The following ANKS1B variants were observed in gnomAD, a reference collection of about 807,000 sequenced individuals.
The protein encoded by ANKS1B is ankyrin repeat and sterile alpha motif domain containing 1B.
ANKS1B carries 36 observed loss-of-function variants against 148.3 expected under a neutral mutation model. That is an observed-to-expected ratio of 0.24 (90% CI 0.19 to 0.32). The LOEUF is 0.32. Ranked by LOEUF, ANKS1B falls within the 10% of genes least tolerant of loss-of-function variation. The pLI, the probability that ANKS1B is intolerant of heterozygous loss-of-function variation, is 1.00. For missense variants in ANKS1B, 1,157 were observed against 1,542.6 expected, an observed-to-expected ratio of 0.75 and a Z score of 4.19; for synonymous variants, 542 against 560.8, an observed-to-expected ratio of 0.97 and a Z score of 0.47.
chr12:98,894,852 G>A (rs957368858), intron 17 of ANKS1B: 2 of 980,670 alleles, frequency 2.0e-6, no homozygotes, highest in South Asian at 9.4e-5. Context: ...GCCGAGCGCC[G>A]GGCTCTCCCC....
At chr12:99,237,317 T>C (rs2088190064) in intron 14 of ANKS1B, among the ~76,000 whole-genome samples, 1 of 152,096 alleles carries the variant, frequency 6.6e-6, no homozygotes, top group Non-Finnish European at 1.5e-5. Flanking sequence ...TATATACATA[T>C]ATATGTATAT....
At chr12:99,895,737 G>A (rs1031832729) in intron 1 of ANKS1B, among the ~76,000 whole-genome samples, 2 of 150,836 alleles carry the variant, frequency 1.3e-5, no homozygotes, top group Non-Finnish European at 3.0e-5. Flanking sequence ...CTCTAAGAAG[G>A]CCAAAACCCT....
chr12:98,920,675 G>A (rs1477093295), intron 17 of ANKS1B, among the ~76,000 whole-genome samples: 2 of 152,184 alleles, frequency 1.3e-5, no homozygotes, highest in African/African-American at 4.8e-5. Context: ...GATGAGATTT[G>A]GGTGGGGACA....
intron 8 of ANKS1B, among the ~76,000 whole-genome samples, chr12:99,703,200 G>C (rs1320597202): frequency 2.0e-5 from 3 of 152,060 alleles, no homozygotes. Flanking sequence ...GGCCTGACTT[G>C]AATTAGATCA....
chr12:99,945,845 A>G lies in ANKS1B; in HGVS notation c.134+38259T>C, dbSNP rs545350455. Among the ~76,000 whole-genome samples the G allele has an allele frequency of 5.9e-5, 9 of 152,314 alleles. No individual in the cohort carries two copies. In the South Asian group the frequency reaches 1.7e-3, roughly 28 times the overall value. ...TAGACATCATAACTGATGTTCACCA[A>G]TACGTGGTTCTCCTCTAGTTCTGCC... On this transcript the variant is annotated intron_variant, in intron 1 of 26. Transcript: ENST00000683438.
chr12:99,604,742 G>A (rs919896233), intron 9 of ANKS1B, among the ~76,000 whole-genome samples: 2 of 150,094 alleles, frequency 1.3e-5, no homozygotes, highest in African/African-American at 4.9e-5. Context: ...TTGAACCCGG[G>A]AGGTGGAGGT....
At chr12:99,757,832 T>G (rs2061709647) in intron 8 of ANKS1B, among the ~76,000 whole-genome samples, 1 of 151,916 alleles carries the variant, frequency 6.6e-6, no homozygotes, top group African/African-American at 2.4e-5. Context: ...AGCAAGCTAA[T>G]GCAGGAACAG....
chr12:99,677,639 T>C (rs2098585832), intron 8 of ANKS1B, among the ~76,000 whole-genome samples: 1 of 152,228 alleles, frequency 6.6e-6, no homozygotes, highest in Non-Finnish European at 1.5e-5. Context: ...GCTGCTTATG[T>C]AATTCTGAAT....
chr12:99,437,291 C>T (rs530692814), intron 11 of ANKS1B, among the ~76,000 whole-genome samples: 2 of 152,078 alleles, frequency 1.3e-5, no homozygotes, highest in African/African-American at 2.4e-5. Flanking sequence ...TGACCTAATC[C>T]TCTCCTAAAG....
intron 14 of ANKS1B, among the ~76,000 whole-genome samples, chr12:99,167,904 A>C (rs1323072653): frequency 6.6e-6 from 1 of 152,230 alleles, no homozygotes; most frequent in Non-Finnish European, 1.5e-5. Flanking sequence ...CAAGACATGG[A>C]TGCATGTCAA....
chr12:98,962,409 A>AT (rs2099873036), intron 17 of ANKS1B, among the ~76,000 whole-genome samples: 1 of 149,272 alleles, frequency 6.7e-6, no homozygotes, highest in Non-Finnish European at 1.5e-5. Flanking sequence ...TATAATATAT[A>AT]ATATATATTT....
chr12:99,539,574 A>G (rs761590718), intron 9 of ANKS1B, among the ~76,000 whole-genome samples: 5 of 152,232 alleles, frequency 3.3e-5, no homozygotes, highest in Non-Finnish European at 5.9e-5. Context: ...TAATGGAGGT[A>G]TAGAGGGACA....
intron 19 of ANKS1B, among the ~76,000 whole-genome samples, chr12:98,811,266 C>T (rs1478344855): frequency 6.6e-6 from 1 of 152,166 alleles, no homozygotes; most frequent in East Asian, 1.9e-4. Flanking sequence ...TCCCACTCAG[C>T]CCTCCTAGGA....
chr12:99,635,448 C>T (rs6419380), intron 9 of ANKS1B, among the ~76,000 whole-genome samples: 99,854 of 151,978 alleles, frequency 0.66, 32,992 homozygotes, highest in African/African-American at 0.73. Context: ...TGTCATATGC[C>T]ACAACATAGA....
In ANKS1B at chr12:99,082,921, A is replaced by G. The variant is rs768774049; in HGVS notation, c.2625+2004T>C. On this transcript the variant is annotated intron_variant, in intron 16 of 26. Transcript: ENST00000683438. ...TGCTAGGTGCTATAGATACAGCAGT[A>G]TGGAAGCCATTGCTGAAAGTGAGAA... Among the ~76,000 whole-genome samples the G allele has an allele frequency of 1.1e-3, 171 of 152,304 alleles. 4 individuals carry two copies. The highest frequency in any genetic ancestry group is 3.4e-3 in the Middle Eastern group (1 of 294).
chr12:98,885,617 C>T (rs1003558845), intron 17 of ANKS1B, among the ~76,000 whole-genome samples: 9 of 152,144 alleles, frequency 5.9e-5, no homozygotes, highest in Non-Finnish European at 1.0e-4. Flanking sequence ...CTTATGGAAC[C>T]CTTTAGTTAA....
At chr12:99,409,445 A>G (rs1040539361) in intron 11 of ANKS1B, among the ~76,000 whole-genome samples, 5 of 152,158 alleles carry the variant, frequency 3.3e-5, no homozygotes, top group Non-Finnish European at 7.4e-5. Flanking sequence ...TGATAGCACA[A>G]TATTATGACT....
At chr12:98,932,432 C>G (rs981973291) in intron 17 of ANKS1B, among the ~76,000 whole-genome samples, 1 of 152,126 alleles carries the variant, frequency 6.6e-6, no homozygotes, top group African/African-American at 2.4e-5. Flanking sequence ...CTTTGCAAAA[C>G]AAGTTTTGTG....
Position 99,940,042 on chromosome 12 carries a change from T to C in ANKS1B, c.134+44062A>G, listed in dbSNP as rs142456621. 3.3e-5 allele frequency among the ~76,000 whole-genome samples: 5 copies of C among 152,334 alleles called. No individual in the cohort carries two copies. The East Asian group carries it at 9.6e-4, about 29-fold the overall frequency. On this transcript the variant is annotated intron_variant, in intron 1 of 26. Coordinates refer to ENST00000683438, the MANE Select transcript of ANKS1B (RefSeq NM_001352186.2). ...ATTTAGGTAGACAAAATATTCAATG[T>C]TGTGTGACAAAATCATTCTTATAAC...
Sources: gnomAD v4.1 joint callset for allele counts (sites outside exome capture counted in the v4.1 genomes callset) on GRCh38, gnomAD v4.1.1 for gene constraint, MANE v1.5 for transcripts, NCBI Gene and HGNC (gene_info 2026-07-23, HGNC 2026-07-21) for gene names.